Variants in DPH6 observed in about 807,000 individuals in gnomAD.
DPH6 encodes the protein diphthine--ammonia ligase.
In DPH6, 33 loss-of-function variants were observed where a neutral mutation model predicts 38.2. That is an observed-to-expected ratio of 0.86 (90% CI 0.65 to 1.15). The LOEUF (loss-of-function observed/expected upper bound fraction) is 1.15. DPH6 is among the 50% of genes most tolerant of loss of function. The pLI, the probability that DPH6 is intolerant of heterozygous loss-of-function variation, is 0.00. For synonymous variants in DPH6, 108 were observed against 103.0 expected, an observed-to-expected ratio of 1.05 and a Z score of -0.30; for missense variants, 325 against 320.0, an observed-to-expected ratio of 1.02 and a Z score of -0.12.
chr15:35,442,304 A>G (rs2053798877), intron 5 of DPH6, among the ~76,000 whole-genome samples: 2 of 152,222 alleles, frequency 1.3e-5, no homozygotes. Context: ...CATTAGAGAA[A>G]TGCAAAATAA....
chr15:35,422,537 C>T (rs1364406440), intron 5 of DPH6, among the ~76,000 whole-genome samples: 1 of 151,812 alleles, frequency 6.6e-6, no homozygotes, highest in Non-Finnish European at 1.5e-5. Flanking sequence ...ATTAACATAC[C>T]CATCTCCTCA....
the DPH6 span, among the ~76,000 whole-genome samples, chr15:35,194,359 T>C: frequency 7.0e-6 from 1 of 142,994 alleles, no homozygotes; most frequent in Non-Finnish European, 1.5e-5. Context: ...ACAGAGAGTC[T>C]TCCTTTTTCC....
chr15:35,277,036 A>G (rs1383475856), intron 3 of DPH6, among the ~76,000 whole-genome samples: 1 of 152,150 alleles, frequency 6.6e-6, no homozygotes, highest in Non-Finnish European at 1.5e-5. Context: ...CCATTTTCAC[A>G]ATATTGATTC....
At chr15:35,475,795 G>A (rs2054257036) in intron 3 of DPH6, among the ~76,000 whole-genome samples, 1 of 151,556 alleles carries the variant, frequency 6.6e-6, no homozygotes. Flanking sequence ...AAAGAGGTAA[G>A]AGTGGCCGAG....
chr15:35,204,134 T>C, the DPH6 span, among the ~76,000 whole-genome samples: 3 of 151,824 alleles, frequency 2.0e-5, no homozygotes, highest in Non-Finnish European at 4.4e-5. Context: ...AAGTGCACCA[T>C]AGTTGACAGG....
the DPH6 span, among the ~76,000 whole-genome samples, chr15:35,197,628 T>C: frequency 6.6e-6 from 1 of 152,230 alleles, no homozygotes; most frequent in Admixed American, 6.5e-5. Flanking sequence ...ACTCTATCTA[T>C]TGCTTTAGGG....
At chr15:35,540,813 T>C (rs901669671) in intron 2 of DPH6, among the ~76,000 whole-genome samples, 1 of 152,078 alleles carries the variant, frequency 6.6e-6, no homozygotes, top group African/African-American at 2.4e-5. Context: ...AAATAATTCA[T>C]GTGAAAGCTG....
chr15:35,509,871 AT>A (rs1020978303), intron 3 of DPH6, among the ~76,000 whole-genome samples: 1 of 152,104 alleles, frequency 6.6e-6, no homozygotes, highest in Non-Finnish European at 1.5e-5. Flanking sequence ...TAATTTAATC[AT>A]TTTTCCTCAA....
chr15:35,466,544 GA>G (rs943260246), intron 3 of DPH6, among the ~76,000 whole-genome samples: 6 of 152,056 alleles, frequency 3.9e-5, no homozygotes, highest in Non-Finnish European at 7.4e-5. Flanking sequence ...CTACTACCAA[GA>G]AAAAAATCGT....
chr15:35,276,187 G>A (rs896536935), intron 3 of DPH6, among the ~76,000 whole-genome samples: 17 of 152,328 alleles, frequency 1.1e-4, no homozygotes, highest in African/African-American at 4.1e-4. Flanking sequence ...GATCATTAGT[G>A]ATGTTGAGCA....
rs955778329 is a variant in DPH6, at chr15:35,338,479, G to A, written n.208-7402C>T. 8.5e-5 allele frequency among the ~76,000 whole-genome samples: 13 copies of A among 152,278 alleles called. 2 individuals carry two copies. The highest frequency in any genetic ancestry group is 2.0e-4 in the Admixed American group (3 of 15,300). ...GAGTAATACAAATCGAAACCACAAT[G>A]AGATACCATCTCACACCAGTTAGAA... On this transcript the variant is annotated intron_variant and non_coding_transcript_variant, in intron 3 of 3. Transcript: ENST00000558973.
At chr15:35,151,363 G>C in the DPH6 span, among the ~76,000 whole-genome samples, 1 of 152,148 alleles carries the variant, frequency 6.6e-6, no homozygotes, top group African/African-American at 2.4e-5. Flanking sequence ...TATTTTTAAC[G>C]AATTCTCAGG....
intron 3 of DPH6, among the ~76,000 whole-genome samples, chr15:35,261,061 A>G (rs1160484757): frequency 1.3e-5 from 2 of 152,236 alleles, no homozygotes; most frequent in Non-Finnish European, 2.9e-5. Context: ...ACAATCTATT[A>G]TATCAGTTCC....
chr15:35,482,258 G>C (rs998434001), intron 3 of DPH6, among the ~76,000 whole-genome samples: 1 of 152,138 alleles, frequency 6.6e-6, no homozygotes, highest in African/African-American at 2.4e-5. Flanking sequence ...TATATGTTCA[G>C]ACTATACAAG....
At chr15:35,476,780 T>C (rs1050717042) in intron 3 of DPH6, among the ~76,000 whole-genome samples, 2 of 151,824 alleles carry the variant, frequency 1.3e-5, no homozygotes, top group Non-Finnish European at 3.0e-5. Context: ...TAACAAAGTG[T>C]ATTATAAGTA....
the DPH6 span, among the ~76,000 whole-genome samples, chr15:35,195,530 G>C: frequency 6.6e-6 from 1 of 152,098 alleles, no homozygotes; most frequent in Non-Finnish European, 1.5e-5. Flanking sequence ...CTCATAGATG[G>C]CAGGTTAAAA....
At chr15:35,295,702 G>A (rs67664625) in intron 3 of DPH6, among the ~76,000 whole-genome samples, 9,124 of 152,124 alleles carry the variant, frequency 0.06, 724 homozygotes, top group East Asian at 0.32. Flanking sequence ...CTGTTTTCAG[G>A]ATGCAAAGTC....
intron 3 of DPH6, among the ~76,000 whole-genome samples, chr15:35,250,208 C>CA (rs912411336): frequency 2.7e-4 from 40 of 150,836 alleles, no homozygotes; most frequent in African/African-American, 9.8e-4. Context: ...AAACAAAAAA[C>CA]AAAAAAATAA....
intron 3 of DPH6, among the ~76,000 whole-genome samples, chr15:35,286,281 T>C (rs377000275): frequency 3.7e-4 from 56 of 152,208 alleles, no homozygotes; most frequent in African/African-American, 1.3e-3. Flanking sequence ...CCAGATGTGA[T>C]GATAGCACAT....
Sources: allele counts gnomAD v4.1 joint callset (sites outside exome capture counted in the v4.1 genomes callset), GRCh38; gene constraint gnomAD v4.1.1; transcripts MANE v1.5; gene names NCBI Gene and HGNC (gene_info 2026-07-23, HGNC 2026-07-21).